The following BAZ2B variants were observed in gnomAD, a reference collection of about 807,000 sequenced individuals.
BAZ2B encodes bromodomain adjacent to zinc finger domain 2B.
BAZ2B carries 91 observed loss-of-function variants against 246.0 expected under a neutral mutation model. The observed-to-expected ratio is 0.37, with a 90% CI of 0.31 to 0.44. The LOEUF (loss-of-function observed/expected upper bound fraction) is 0.44, where lower values mean the gene tolerates loss of function less well. BAZ2B is among the 20% of genes least tolerant of loss of function. BAZ2B has a pLI of 1.00. For synonymous variants in BAZ2B, 855 were observed against 860.0 expected, an observed-to-expected ratio of 0.99 and a Z score of 0.10; for missense variants, 2,332 against 2,533.7, an observed-to-expected ratio of 0.92 and a Z score of 1.71.
intron 6 of BAZ2B, among the ~76,000 whole-genome samples, chr2:159,439,890 G>A (rs938084427): frequency 3.3e-5 from 5 of 152,118 alleles, no homozygotes; most frequent in Middle Eastern, 3.4e-3. Context: ...TAAATATGAC[G>A]AGAGAGATTT....
chr2:159,514,648 G>A (rs1322515521), intron 2 of BAZ2B, among the ~76,000 whole-genome samples: 1 of 152,066 alleles, frequency 6.6e-6, no homozygotes, highest in African/African-American at 2.4e-5. Flanking sequence ...TTTTCAGTCT[G>A]GCTCTGGTAT....
chr2:159,420,626 T>A (rs1333727234), intron 13 of BAZ2B, among the ~76,000 whole-genome samples: 1 of 152,214 alleles, frequency 6.6e-6, no homozygotes, highest in Non-Finnish European at 1.5e-5. Context: ...TAGATCATCA[T>A]ATATTTCAAA....
chr2:159,570,154 A>C (rs950703310), intron 1 of BAZ2B, among the ~76,000 whole-genome samples: 4 of 151,748 alleles, frequency 2.6e-5, no homozygotes, highest in African/African-American at 7.3e-5. Context: ...TCACTTTAGA[A>C]AACAGAATTT....
the BAZ2B span, chr2:159,689,313 C>A: frequency 2.5e-6 from 1 of 404,166 alleles, no homozygotes; most frequent in Non-Finnish European, 4.5e-6. Context: ...CTACCTTCAC[C>A]ATGAAGCTCC....
chr2:159,626,370 T>C, the BAZ2B span, among the ~76,000 whole-genome samples: 1 of 152,120 alleles, frequency 6.6e-6, no homozygotes, highest in Admixed American at 6.5e-5. Context: ...CAACAGAATA[T>C]ACATTCTTCT....
At chr2:159,397,734 T>C (rs951710131) in intron 18 of BAZ2B, among the ~76,000 whole-genome samples, 3 of 152,218 alleles carry the variant, frequency 2.0e-5, no homozygotes, top group African/African-American at 4.8e-5. Context: ...CTATCAGATA[T>C]AACCCACACA....
chr2:159,398,787 T>C (rs757652905), intron 18 of BAZ2B, 42 bp downstream of exon 18: 17 of 1,555,600 alleles, frequency 1.1e-5, no homozygotes, highest in Non-Finnish European at 1.5e-5. Context: ...ATATAGTTTT[T>C]ATTTTTCAAA....
chr2:159,591,159 C>A (rs933331158), intron 1 of BAZ2B, among the ~76,000 whole-genome samples: 7 of 152,236 alleles, frequency 4.6e-5, no homozygotes, highest in African/African-American at 1.4e-4. Flanking sequence ...ACATTATAAA[C>A]ATTTAAAAGT....
At chr2:159,490,613 C>G (rs2080346443) in intron 2 of BAZ2B, among the ~76,000 whole-genome samples, 2 of 152,138 alleles carry the variant, frequency 1.3e-5, no homozygotes, top group Admixed American at 6.5e-5. Context: ...CTCGATCTTC[C>G]CTGCTCAAGC....
At position 159,563,021 on chromosome 2, in the gene BAZ2B, GTGA is replaced by G. The variant is rs2090031119; in HGVS notation, c.-45-7159_-45-7157del. Among the ~76,000 whole-genome samples the G allele has an allele frequency of 2.0e-5, 3 of 152,240 alleles. No homozygotes were observed. In the Middle Eastern group the frequency reaches 0.01, roughly 518 times the overall value. ...CAAAAATCAATTTCAGACTATGGCT[GTGA>G]AGACTGGAAAAATAATCATGCAATC... On this transcript the variant is annotated intron_variant, in intron 1 of 36. Coordinates refer to ENST00000392783, the MANE Select transcript of BAZ2B (RefSeq NM_013450.4).
chr2:159,580,416 T>C (rs1041367477), intron 1 of BAZ2B, among the ~76,000 whole-genome samples: 5 of 151,934 alleles, frequency 3.3e-5, no homozygotes, highest in Non-Finnish European at 7.4e-5. Context: ...AAATAAAGGA[T>C]GACACAAACA....
the BAZ2B span, among the ~76,000 whole-genome samples, chr2:159,701,028 T>C: frequency 7.9e-5 from 12 of 152,328 alleles, no homozygotes; most frequent in African/African-American, 2.9e-4. Flanking sequence ...GCAAATTTAA[T>C]TGGCAAACAC....
intron 22 of BAZ2B, among the ~76,000 whole-genome samples, chr2:159,385,712 G>A (rs1225753656): frequency 6.6e-6 from 1 of 151,988 alleles, no homozygotes; most frequent in East Asian, 1.9e-4. Flanking sequence ...ATTTTATCAG[G>A]AATGACAGAG....
chr2:159,528,570 C>T (rs1309533641), intron 2 of BAZ2B, among the ~76,000 whole-genome samples: 1 of 151,728 alleles, frequency 6.6e-6, no homozygotes, highest in South Asian at 2.1e-4. Context: ...GTAATCCCAG[C>T]TACTTAGTAG....
rs759541790 is a variant in BAZ2B, at chr2:159,439,144, G to C, written c.765C>G (p.Thr255=). 6.2e-7 allele frequency: 1 copy of C among 1,613,894 alleles called. No individual in the cohort carries two copies. Among genetic ancestry groups the C allele is most frequent in the Non-Finnish European group, 8.5e-7 (1 of 1,179,936 alleles). ...CACTGCTACTAATGCCTTCACTTGAGGTGTCTGATGATGTGCCTGAATCAC... is the reference window on the plus strand; with the variant it reads ...CACTGCTACTAATGCCTTCACTTGACGTGTCTGATGATGTGCCTGAATCAC... ...SDSDSGTSSD[T]SSEGISSSDS... Residue 255 remains threonine (T), a synonymous_variant, in exon 7 of 37, where the codon ACC becomes ACG. Transcript: ENST00000392783.
the BAZ2B span, among the ~76,000 whole-genome samples, chr2:159,660,127 A>G: frequency 1.3e-5 from 2 of 152,128 alleles, no homozygotes; most frequent in Non-Finnish European, 2.9e-5. Context: ...ATTTCTCCCC[A>G]TAGTATTTGG....
At chr2:159,335,543 CAAAAAAAAA>C (rs10590482) in intron 33 of BAZ2B, among the ~76,000 whole-genome samples, 1 of 112,226 alleles carries the variant, frequency 8.9e-6, no homozygotes, top group African/African-American at 3.2e-5. Flanking sequence ...GACTCTGTCT[CAAAAAAAAA>C]AAAAAAAAAA....
chr2:159,408,842 G>A (rs2066371236), intron 14 of BAZ2B, among the ~76,000 whole-genome samples: 2 of 152,002 alleles, frequency 1.3e-5, no homozygotes, highest in Admixed American at 6.5e-5. Flanking sequence ...ATCGCTGAAC[G>A]CAGGAGGCAG....
rs187237216 is a variant in BAZ2B, at chr2:159,410,062, G to A, written c.2677+2273C>T. ...CTAACTTCTAATGATAATTAGATAC[G>A]GCAAATATCCATGAAGATCCCATGT... On this transcript the variant is annotated intron_variant, in intron 14 of 36. Transcript: ENST00000392783. Among the ~76,000 whole-genome samples, 110 of 152,090 alleles carry A rather than the reference G, an allele frequency of 7.2e-4. 1 individual carries two copies. The South Asian group carries it at 0.01, about 14-fold the overall frequency.
Sources: allele counts gnomAD v4.1 joint callset (sites outside exome capture counted in the v4.1 genomes callset), GRCh38; gene constraint gnomAD v4.1.1; transcripts MANE v1.5; gene names NCBI Gene and HGNC (gene_info 2026-07-23, HGNC 2026-07-21).